The following TCF19 variants were observed in gnomAD, a reference collection of about 807,000 sequenced individuals.
TCF19 encodes the protein transcription factor SC1.
Under a neutral mutation model 18.3 loss-of-function variants are expected in TCF19, and 9 were observed. That is an observed-to-expected ratio of 0.49 (90% confidence interval 0.30 to 0.86). The LOEUF is 0.86. Among genes scored for constraint, TCF19 ranks in the 40% least tolerant of loss-of-function variants. TCF19 has a pLI of 0.07. For synonymous variants in TCF19, 176 were observed against 185.3 expected, an observed-to-expected ratio of 0.95 and a Z score of 0.41; for missense variants, 376 against 464.3, an observed-to-expected ratio of 0.81 and a Z score of 1.75.
rs1776925914 is a variant in TCF19 at position 31,163,297 on chromosome 6, T to C, written c.*580T>C. 3 of 986,652 alleles carry C rather than the reference T, an allele frequency of 3.0e-6. No individual in the cohort carries two copies. The highest frequency in any genetic ancestry group is 9.4e-5 in the South Asian group (2 of 21,338). The allele number at this position is 986,652 out of a possible 1,614,324, so 61.1% of individuals were successfully genotyped here. A position where few individuals can be genotyped will look rare whatever the true frequency, so the allele number is the denominator to read the frequency against. ...GATATTCCTTGCTTTCCAGGGAGAA[T>C]GTGCTTGGCAAGGTCTGGAGAACTA... is the stretch of plus-strand genomic sequence containing the variant. On this transcript the variant is annotated 3_prime_UTR_variant, in exon 4 of 4. Transcript: ENST00000376257.
At position 31,161,545 on chromosome 6, in the gene TCF19, A is replaced by G; in HGVS notation, c.337A>G (p.Ser113Gly). The stretch of plus-strand genomic sequence containing the variant: ...TGGCCCTGAAGGGCCCCCAGGAACC[A>G]GCCCCTCGGAGTTCTACTTCATGTT... ...TFGPEGPPGT[S>G]PSEFYFMFQQ... The change falls in exon 3 of 4, where the codon AGC becomes GGC. Residue 113 changes from serine to glycine, a missense_variant. Ser to Gly is a moderately conservative substitution (Grantham distance 56). Coordinates refer to ENST00000376257, the MANE Select transcript of TCF19 (RefSeq NM_007109.3). 1 of 1,581,666 alleles carries G rather than the reference A, an allele frequency of 6.3e-7. No homozygotes were observed. Among genetic ancestry groups the G allele is most frequent in the South Asian group, 1.2e-5 (1 of 85,818 alleles).
intron 2 of TCF19, among the ~76,000 whole-genome samples, chr6:31,161,170 AAAGAAAG>A (rs1561844030): frequency 9.6e-5 from 3 of 31,118 alleles, no homozygotes; most frequent in African/African-American, 5.3e-4. Context: ...AAAAAAAAAG[AAAGAAAG>A]AAAAAAAAAG....
rs775407994 is a variant in TCF19, at chr6:31,161,739, C to T, written c.531C>T (p.Asn177=). ...SPAPKATLIL[N]SIGSLSKLRP... ...CCCCCAAGGCCACACTGATCCTAAA[C>T]TCCATAGGCAGCCTCAGCAAGCTCC... Residue 177 remains asparagine (N), a synonymous_variant, in exon 3 of 4, where the codon AAC becomes AAT. Coordinates refer to ENST00000376257, the MANE Select transcript of TCF19 (RefSeq NM_007109.3). 4.4e-6 allele frequency: 7 copies of T among 1,581,116 alleles called. 1 individual carries two copies. The highest frequency in any genetic ancestry group is 2.4e-5 in the South Asian group (2 of 84,558).
Position 31,162,670 on chromosome 6 carries a change from G to T in TCF19, c.991G>T (p.Glu331Ter). Reference sequence around the variant, plus strand: ...TGGCTGCAGCATCCAGGCTGCCAGGGAGGCCGACTTCCGATGCCCAGGGTG... The same window carrying T: ...TGGCTGCAGCATCCAGGCTGCCAGGTAGGCCGACTTCCGATGCCCAGGGTG... ...CVGCSIQAAR[E>*]ADFRCPGCRA... is the part of the protein sequence containing the mutation. The change falls in exon 4 of 4, where the codon GAG becomes TAG. Residue 331 changes from glutamate to a stop codon, truncating the protein, a stop_gained. Coordinates refer to ENST00000376257, the MANE Select transcript of TCF19 (RefSeq NM_007109.3). LOFTEE classifies it low-confidence loss of function (END_TRUNC). The surrounding 1 kb of genome is among the most constrained non-coding windows in gnomAD (Gnocchi z 4.5). 6.2e-7 allele frequency: 1 copy of T among 1,612,648 alleles called. No individual in the cohort carries two copies. The highest frequency in any genetic ancestry group is 1.1e-5 in the South Asian group (1 of 91,080).
chr6:31,161,871 C>T lies in TCF19; in HGVS notation c.663C>T (p.Arg221=). 6.2e-7 allele frequency: 1 copy of T among 1,613,000 alleles called. No individual in the cohort carries two copies. The highest frequency in any genetic ancestry group is 8.5e-7 in the Non-Finnish European group (1 of 1,179,998). Residue 221 remains arginine, a synonymous_variant, in exon 3 of 4, where the codon CGC becomes CGT. Transcript: ENST00000376257. ...MGTTPSAPPQ[R]NRRKSVHRVL... ...CCACGCCTTCTGCTCCACCACAACGCAATCGGAGGAAATCTGTTCACCGAG... is the reference window on the plus strand; with the variant it reads ...CCACGCCTTCTGCTCCACCACAACGTAATCGGAGGAAATCTGTTCACCGAG...
Position 31,162,913 on chromosome 6 carries a change from C to T in TCF19, c.*196C>T, listed in dbSNP as rs1406129932. ...CCAAGACAGAAGAGATGGTTTCCTG[C>T]CAAAGATATTGCCACCTCCAGGAAA... On this transcript the variant is annotated 3_prime_UTR_variant, in exon 4 of 4. Coordinates refer to ENST00000376257, the MANE Select transcript of TCF19 (RefSeq NM_007109.3). This position sits in a 1 kb window ranked among gnomAD's most constrained non-coding sequence, Gnocchi z 4.5. The T allele has an allele frequency of 2.1e-6, 3 of 1,401,650 alleles. No homozygotes were observed. The highest frequency in any genetic ancestry group is 2.8e-6 in the Non-Finnish European group (3 of 1,082,646). 86.8% of individuals were successfully genotyped at this position (1,401,650 alleles called of 1,614,324 possible).
rs1448507492 is a variant in TCF19, at chr6:31,162,109, G to A, written c.797+104G>A. 2 of 1,287,244 alleles carry A rather than the reference G, an allele frequency of 1.6e-6. No individual in the cohort carries two copies. Among genetic ancestry groups the A allele is most frequent in the African/African-American group, 3.0e-5 (2 of 67,160 alleles). The allele number at this position is 1,287,244 out of a possible 1,614,324, so 79.7% of individuals were successfully genotyped here. ...CCCCTGCCTGGGGGGATGGGCACGG[G>A]AGGTGGAATAGATGGAATGGCAAGA... On this transcript the variant is annotated intron_variant, in intron 3 of 3. Coordinates refer to ENST00000376257, the MANE Select transcript of TCF19 (RefSeq NM_007109.3). This position sits in a 1 kb window ranked among gnomAD's most constrained non-coding sequence, Gnocchi z 4.5.
At position 31,163,627 on chromosome 6, in the gene TCF19, A is replaced by G. The variant is rs943371969; in HGVS notation, c.*910A>G. On this transcript the variant is annotated 3_prime_UTR_variant, in exon 4 of 4. Coordinates refer to ENST00000376257, the MANE Select transcript of TCF19 (RefSeq NM_007109.3). ...TCCACTCCACGGGTGGACACAGCAG[A>G]GGGCAACTGGGCTGGCCTGGTTCAG... The G allele has an allele frequency of 1.0e-6, 1 of 985,396 alleles. No individual in the cohort carries two copies. Among genetic ancestry groups the G allele is most frequent in the Non-Finnish European group, 1.2e-6 (1 of 829,994 alleles). The allele number at this position is 985,396 out of a possible 1,614,324, so 61.0% of individuals were successfully genotyped here. A position where few individuals can be genotyped will look rare whatever the true frequency, so the allele number is the denominator to read the frequency against.
rs1167289269 is a variant in TCF19 at position 31,159,626 on chromosome 6, A to T, written c.157A>T (p.Ile53Phe). 6.2e-7 allele frequency: 1 copy of T among 1,613,846 alleles called. No individual in the cohort carries two copies. Reference sequence around the variant, plus strand: ...GCGGCCCCAGCAGGAGCCTGGCCTCATCTCTGGGATCCACGCCGAACTGCA... The same window carrying T: ...GCGGCCCCAGCAGGAGCCTGGCCTCTTCTCTGGGATCCACGCCGAACTGCA... ...ALRPQQEPGL[I>F]SGIHAELHAE... Residue 53 changes from isoleucine (I) to phenylalanine (F), a missense_variant, in exon 2 of 4, where the codon ATC becomes TTC. Transcript: ENST00000376257.
chr6:31,159,823 A>G, intron 2 of TCF19, 116 bp downstream of exon 2: 1 of 1,090,268 alleles, frequency 9.2e-7, no homozygotes, highest in Non-Finnish European at 1.3e-6. Context: ...GATTGGATGG[A>G]TGGTCGTGGT....
In TCF19 at chr6:31,163,270, G is replaced by A. The variant is rs754775167; in HGVS notation, c.*553G>A. ...GGGCATTTACTCTTCTTGTGGGTCT[G>A]TGATATTCCTTGCTTTCCAGGGAGA... On this transcript the variant is annotated 3_prime_UTR_variant, in exon 4 of 4. Transcript: ENST00000376257. 3 of 987,728 alleles carry A rather than the reference G, an allele frequency of 3.0e-6. No homozygotes were observed. Among genetic ancestry groups the A allele is most frequent in the Non-Finnish European group, 3.6e-6 (3 of 831,426 alleles). The allele number at this position is 987,728 out of a possible 1,614,324, so 61.2% of individuals were successfully genotyped here.
At position 31,163,372 on chromosome 6, in the gene TCF19, T is replaced by A; in HGVS notation, c.*655T>A. ...GAGATGGAAATACAAACCTGCTTAC[T>A]GGAAAGGTGCAAATATATGGGTTGA... On this transcript the variant is annotated 3_prime_UTR_variant, in exon 4 of 4. Transcript: ENST00000376257. The A allele has an allele frequency of 1.0e-6, 1 of 985,728 alleles. No individual in the cohort carries two copies. The highest frequency in any genetic ancestry group is 1.2e-6 in the Non-Finnish European group (1 of 830,164). The allele number at this position is 985,728 out of a possible 1,614,324, so 61.1% of individuals were successfully genotyped here.
chr6:31,163,852 G>A lies in TCF19; in HGVS notation c.*1135G>A. 1.0e-6 allele frequency: 1 copy of A among 985,110 alleles called. No individual in the cohort carries two copies. The highest frequency in any genetic ancestry group is 1.2e-6 in the Non-Finnish European group (1 of 829,860). 61.0% of individuals were successfully genotyped at this position (985,110 alleles called of 1,614,324 possible). On this transcript the variant is annotated 3_prime_UTR_variant, in exon 4 of 4. Transcript: ENST00000376257. Reference sequence around the variant, plus strand: ...TTTTTAAAATGGAAGAAATGACTCTGGGGCAAAGACCCCTAATGAACTAGT... The same window carrying A: ...TTTTTAAAATGGAAGAAATGACTCTAGGGCAAAGACCCCTAATGAACTAGT...
At position 31,163,041 on chromosome 6, in the gene TCF19, T is replaced by C; in HGVS notation, c.*324T>C. On this transcript the variant is annotated 3_prime_UTR_variant, in exon 4 of 4. Coordinates refer to ENST00000376257, the MANE Select transcript of TCF19 (RefSeq NM_007109.3). ...GAGCACCTATCAGTTGCAAAAGCCA[T>C]GCCTGCAACCGATGGAAAATGTAAG... is the stretch of plus-strand genomic sequence containing the variant. The C allele has an allele frequency of 8.4e-7, 1 of 1,195,772 alleles. No individual in the cohort carries two copies. The highest frequency in any genetic ancestry group is 1.0e-6 in the Non-Finnish European group (1 of 962,070). The allele number at this position is 1,195,772 out of a possible 1,614,324, so 74.1% of individuals were successfully genotyped here. A position where few individuals can be genotyped will look rare whatever the true frequency, so the allele number is the denominator to read the frequency against.
chr6:31,161,166 AAAG>A (rs1207969357), intron 2 of TCF19, among the ~76,000 whole-genome samples: 110 of 31,828 alleles, frequency 3.5e-3, no homozygotes, highest in African/African-American at 0.014. Flanking sequence ...AAAAAAAAAA[AAAG>A]AAAGAAAGAA....
chr6:31,162,440 T>C lies in TCF19; in HGVS notation c.798-37T>C, dbSNP rs372691054. ...CAAGGTCTAGGCCTTCTCCTACAGGTTTCCGGTGACCCTTGTGTCTGTGTC... is the reference window on the plus strand; with the variant it reads ...CAAGGTCTAGGCCTTCTCCTACAGGCTTCCGGTGACCCTTGTGTCTGTGTC... On this transcript the variant is annotated intron_variant, in intron 3 of 3. Transcript: ENST00000376257. The surrounding 1 kb of genome is among the most constrained non-coding windows in gnomAD (Gnocchi z 4.5). 1.3e-5 allele frequency: 21 copies of C among 1,575,174 alleles called. No individual in the cohort carries two copies. The highest frequency in any genetic ancestry group is 5.3e-5 in the Admixed American group (3 of 56,830).
chr6:31,161,418 A>T (rs762981966), intron 2 of TCF19, 29 bp from the exon 3 acceptor site: 6 of 1,379,902 alleles, frequency 4.3e-6, no homozygotes, highest in Non-Finnish European at 4.7e-6. Context: ...TTTGTCCTCC[A>T]TATTTGCCTG....
chr6:31,161,530 G>C lies in TCF19; in HGVS notation c.322G>C (p.Gly108Arg), dbSNP rs1283201061. The C allele has an allele frequency of 6.4e-7, 1 of 1,567,378 alleles. No individual in the cohort carries two copies. Among genetic ancestry groups the C allele is most frequent in the Non-Finnish European group, 8.6e-7 (1 of 1,161,244 alleles). ...AGACCTCCTGACCTTTGGCCCTGAA[G>C]GGCCCCCAGGAACCAGCCCCTCGGA... Reference protein sequence around the residue: ...DGDLLTFGPEGPPGTSPSEFY... With the variant: ...DGDLLTFGPERPPGTSPSEFY... Residue 108 changes from glycine to arginine, a missense_variant, in exon 3 of 4, where the codon GGG becomes CGG. Physicochemically the swap from Gly to Arg is moderately radical, Grantham distance 125. Transcript: ENST00000376257.
In TCF19 at chr6:31,159,165, T is replaced by G. The variant is rs1326559375; in HGVS notation, c.-305T>G. 7.2e-6 allele frequency: 3 copies of G among 415,930 alleles called. No homozygotes were observed. Among genetic ancestry groups the G allele is most frequent in the African/African-American group, 6.1e-5 (3 of 49,396 alleles). The allele number at this position is 415,930 out of a possible 1,614,324, so 25.8% of individuals were successfully genotyped here. A position where few individuals can be genotyped will look rare whatever the true frequency, so the allele number is the denominator to read the frequency against. On this transcript the variant is annotated 5_prime_UTR_variant, in exon 2 of 4. Transcript: ENST00000376257. ...CAGATTGGAGGCTCCCCAAATATTT[T>G]GCGATCTGAGGATCCAGCTCAAGTG...
Sources: allele counts gnomAD v4.1 joint callset (sites outside exome capture counted in the v4.1 genomes callset), GRCh38; gene constraint gnomAD v4.1.1; non-coding constraint Gnocchi (gnomAD v3.1); transcripts MANE v1.5; gene names NCBI Gene and HGNC (gene_info 2026-07-23, HGNC 2026-07-21).